Variants in RTF2 observed in about 807,000 individuals in gnomAD.
The protein encoded by RTF2 is UPF0549 protein C20orf43.
RTF2 carries 18 observed loss-of-function variants against 38.0 expected under a neutral mutation model. The observed-to-expected ratio is 0.47, with a 90% CI of 0.33 to 0.70. The LOEUF (loss-of-function observed/expected upper bound fraction) is 0.70, where lower values mean the gene tolerates loss of function less well. Among genes scored for constraint, RTF2 ranks in the 30% least tolerant of loss-of-function variants. RTF2 has a pLI of 0.02. For missense variants in RTF2, 311 were observed against 379.6 expected (o/e 0.82, Z 1.50); for synonymous variants, 126 against 137.1 (o/e 0.92, Z 0.57).
intron 5 of RTF2, among the ~76,000 whole-genome samples, chr20:56,489,594 C>T (rs538543571): frequency 2.6e-4 from 39 of 152,266 alleles, no homozygotes; most frequent in African/African-American, 8.7e-4. Context: ...TTTTCTCATC[C>T]GTTAAAAGTG....
rs11376576 is a variant in RTF2 at position 56,483,341 on chromosome 20, CT to C, written c.399-756del. 2.0e-3 allele frequency among the ~76,000 whole-genome samples: 290 copies of C among 146,330 alleles called. 1 individual carries two copies. Among genetic ancestry groups the C allele is most frequent in the Admixed American group, 2.0e-3 (29 of 14,674 alleles). ...GTTTCCAATTGGATACTTTCAATCT[CT>C]TTTTTTTTTTTTTAAAGCGACAAGC... On this transcript the variant is annotated intron_variant, in intron 4 of 8. Transcript: ENST00000357348.
intron 6 of RTF2, chr20:56,515,625 CACACACACACACACACAGTG>C (rs1984995263): frequency 7.0e-6 from 1 of 142,868 alleles, no homozygotes; most frequent in Non-Finnish European, 1.5e-5. Context: ...CACACACACA[CACACACACACACACACAGTG>C]AGATTCTGTC....
intron 5 of RTF2, among the ~76,000 whole-genome samples, chr20:56,496,349 A>G (rs1161161771): frequency 6.6e-6 from 1 of 152,180 alleles, no homozygotes; most frequent in South Asian, 2.1e-4. Context: ...GGAGTTCCAG[A>G]CCAGCCTGAC....
chr20:56,468,673 T>C lies in RTF2; in HGVS notation c.-25T>C, dbSNP rs776419822. 8.3e-6 allele frequency: 13 copies of C among 1,559,408 alleles called. No individual in the cohort carries two copies. On this transcript the variant is annotated 5_prime_UTR_variant, in exon 1 of 9. Transcript: ENST00000357348. Reference sequence around the variant, plus strand: ...GGAAGTGACAGCTTTGGGGGTTTGCTGCTGGCTCTGACTCCCGTCCTGCGA... The same window carrying C: ...GGAAGTGACAGCTTTGGGGGTTTGCCGCTGGCTCTGACTCCCGTCCTGCGA...
intron 4 of RTF2, among the ~76,000 whole-genome samples, chr20:56,482,766 C>T (rs902007776): frequency 6.6e-6 from 1 of 152,152 alleles, no homozygotes; most frequent in Non-Finnish European, 1.5e-5. Context: ...AAAATTTGTC[C>T]TTTGGCATTT....
At chr20:56,505,546 C>T (rs576054614) in intron 5 of RTF2, among the ~76,000 whole-genome samples, 3 of 150,118 alleles carry the variant, frequency 2.0e-5, no homozygotes, top group East Asian at 2.0e-4. Flanking sequence ...CTGGACTAGA[C>T]GGCAGATCTG....
intron 5 of RTF2, among the ~76,000 whole-genome samples, chr20:56,512,275 C>T (rs563352139): frequency 8.5e-5 from 13 of 152,318 alleles, no homozygotes; most frequent in East Asian, 3.9e-4. Context: ...CTCCACTCCT[C>T]GTTCTCTTTT....
At chr20:56,496,607 C>T (rs1057290883) in intron 5 of RTF2, 4 of 1,464,794 alleles carry the variant, frequency 2.7e-6, no homozygotes, top group African/African-American at 1.4e-5. Context: ...CTGCTGACTG[C>T]ACAGGCATCC....
rs1422521065 is a variant in RTF2 at position 56,473,326 on chromosome 20, C to T, written c.95C>T (p.Ala32Val). The change falls in exon 2 of 9, where the codon GCC becomes GTC. Residue 32 changes from alanine (A) to valine (V), a missense_variant. Transcript: ENST00000357348. ...EKVDKDAELV[A>V]QWNYCTLSQE... ...GTCGACAAAGATGCTGAATTAGTGG[C>T]CCAATGGAACTATTGTACTCTAAGT... is the stretch of plus-strand genomic sequence containing the variant. 2 of 1,613,342 alleles carry T rather than the reference C, an allele frequency of 1.2e-6. No individual in the cohort carries two copies. The highest frequency in any genetic ancestry group is 8.5e-7 in the Non-Finnish European group (1 of 1,179,596).
rs190459170 is a variant in RTF2, at chr20:56,504,582, A to T, written c.478-8733A>T. The stretch of plus-strand genomic sequence containing the variant: ...GTGCTCTGTGTCGCCCCCAAGGGTG[A>T]GTCTGCGCCATAGCATGTGGTGAAG... On this transcript the variant is annotated intron_variant, in intron 5 of 8. Coordinates refer to ENST00000357348, the MANE Select transcript of RTF2 (RefSeq NM_016407.5). Among the ~76,000 whole-genome samples, 627 of 152,338 alleles carry T rather than the reference A, an allele frequency of 4.1e-3. 4 individuals are homozygous for T. The highest frequency in any genetic ancestry group is 0.014 in the African/African-American group (589 of 41,572).
At chr20:56,480,246 C>T (rs1394219318) in intron 4 of RTF2, among the ~76,000 whole-genome samples, 2 of 152,202 alleles carry the variant, frequency 1.3e-5, no homozygotes, top group Non-Finnish European at 2.9e-5. Flanking sequence ...CTTCACCTTG[C>T]ACTTTTATGT....
At chr20:56,516,813 G>A (rs1353648178) in intron 6 of RTF2, 122 bp from the exon 7 acceptor site, 1 of 824,450 alleles carries the variant, frequency 1.2e-6, no homozygotes, top group Non-Finnish European at 2.0e-6. Flanking sequence ...CAGAGTGACT[G>A]TCTGTCTCAT....
chr20:56,499,888 C>T (rs1292933142), intron 5 of RTF2, among the ~76,000 whole-genome samples: 1 of 151,980 alleles, frequency 6.6e-6, no homozygotes, highest in Non-Finnish European at 1.5e-5. Flanking sequence ...AGGCATGTGC[C>T]ACCACGCTAG....
chr20:56,497,024 T>A (rs1358426983), intron 5 of RTF2: 3 of 1,551,782 alleles, frequency 1.9e-6, no homozygotes, highest in Non-Finnish European at 2.6e-6. Flanking sequence ...TCCATTGAAA[T>A]TTAGAATGCA....
chr20:56,468,998 A>T (rs1056550385), intron 1 of RTF2, among the ~76,000 whole-genome samples: 12 of 152,226 alleles, frequency 7.9e-5, no homozygotes, highest in Non-Finnish European at 1.5e-4. Context: ...TCATGTAATT[A>T]TCACAATAGC....
chr20:56,495,922 A>G (rs972108997), intron 5 of RTF2, among the ~76,000 whole-genome samples: 32 of 152,236 alleles, frequency 2.1e-4, no homozygotes, highest in African/African-American at 7.5e-4. Flanking sequence ...CCACAAAATC[A>G]TTACTAGCTT....
chr20:56,476,472 T>C (rs6014743), intron 3 of RTF2, among the ~76,000 whole-genome samples: 4 of 150,836 alleles, frequency 2.7e-5, no homozygotes, highest in African/African-American at 9.7e-5. Flanking sequence ...TGCTAGTCAG[T>C]GAATTGAAAA....
At chr20:56,509,832 CAA>C (rs1246892577) in intron 5 of RTF2, among the ~76,000 whole-genome samples, 1 of 152,078 alleles carries the variant, frequency 6.6e-6, no homozygotes, top group African/African-American at 2.4e-5. Context: ...CAACTGTCCA[CAA>C]AAGACTTCCA....
intron 5 of RTF2, among the ~76,000 whole-genome samples, chr20:56,503,648 A>G (rs975267379): frequency 1.3e-5 from 2 of 152,204 alleles, no homozygotes; most frequent in African/African-American, 4.8e-5. Flanking sequence ...CAGAGCAAAG[A>G]AAAACATAAT....
Sources: allele counts gnomAD v4.1 joint callset (sites outside exome capture counted in the v4.1 genomes callset), GRCh38; gene constraint gnomAD v4.1.1; transcripts MANE v1.5; gene names NCBI Gene and HGNC (gene_info 2026-07-23, HGNC 2026-07-21).